Variants in RPL3L observed in about 807,000 individuals in gnomAD.
RPL3L encodes ribosomal protein uL3-like.
In RPL3L, 44 loss-of-function variants were observed where a neutral mutation model predicts 44.5. The ratio of observed to expected loss-of-function variants is 0.99; its 90% confidence interval spans 0.78 to 1.27. The LOEUF (loss-of-function observed/expected upper bound fraction) is 1.27. Among genes scored for constraint, RPL3L ranks in the 50% most tolerant of loss-of-function variants. The probability of loss-of-function intolerance (pLI) is 0.00; values close to 1 mark genes in which losing one functional copy is unlikely to be tolerated. For missense variants in RPL3L, 631 were observed against 569.1 expected (o/e 1.11, Z -1.11); for synonymous variants, 292 against 230.7 (o/e 1.27, Z -2.41).
intron 9 of RPL3L, 86 bp from the exon 10 acceptor site, chr16:1,944,979 G>A (rs11640479): frequency 1.9e-6 from 3 of 1,569,636 alleles, no homozygotes; most frequent in Admixed American, 1.7e-5. Context: ...ATCACTCAGG[G>A]CCGGCCCTAC....
chr16:1,949,644 C>T (rs1056258244), intron 4 of RPL3L, among the ~76,000 whole-genome samples: 3 of 143,686 alleles, frequency 2.1e-5, no homozygotes, highest in South Asian at 2.3e-4. Flanking sequence ...GAGAGGCCAG[C>T]GGGGAACACA....
chr16:1,947,191 T>C lies in RPL3L; in HGVS notation c.688+3A>G, dbSNP rs2083129124. ...TGGAGCTGCCATCCTCACTGAGCCC[T>C]ACCTTTGACGCCTCGACCCTTGGTG... On this transcript the variant is annotated splice_donor_region_variant and intron_variant, in intron 5 of 9. Transcript: ENST00000268661. 7 of 1,612,830 alleles carry C rather than the reference T, an allele frequency of 4.3e-6. No homozygotes were observed. Among genetic ancestry groups the C allele is most frequent in the Non-Finnish European group, 5.9e-6 (7 of 1,179,356 alleles).
At chr16:1,948,801 TG>T (rs1199122833) in intron 4 of RPL3L, among the ~76,000 whole-genome samples, 1 of 151,714 alleles carries the variant, frequency 6.6e-6, no homozygotes, top group African/African-American at 2.4e-5. Context: ...CTGCAAGCTC[TG>T]CCTCCTGGGT....
At chr16:1,951,442 C>T (rs2083171311) in intron 3 of RPL3L, among the ~76,000 whole-genome samples, 1 of 152,014 alleles carries the variant, frequency 6.6e-6, no homozygotes, top group Admixed American at 6.6e-5. Flanking sequence ...AGTGCAGTGG[C>T]ACAAACACAG....
chr16:1,947,322 C>G lies in RPL3L; in HGVS notation c.560G>C (p.Gly187Ala). 1 of 1,611,334 alleles carries G rather than the reference C, an allele frequency of 6.2e-7. No individual in the cohort carries two copies. ...KAHIMEIQLN[G>A]GTVAEKVAWA... is the part of the protein sequence containing the mutation. ...GGCCACCTTCTCGGCCACCGTGCCA[C>G]CGTTCAGCTGGATCTCCATGATGTG... is the stretch of plus-strand genomic sequence containing the variant. The change falls in exon 5 of 10, where the codon GGT (glycine) becomes GCT (alanine). Residue 187 changes from glycine (G) to alanine (A), a missense_variant. Gly to Ala is a moderately conservative substitution (Grantham distance 60, BLOSUM62 0). Transcript: ENST00000268661.
At chr16:1,948,936 A>C (rs2083146533) in intron 4 of RPL3L, among the ~76,000 whole-genome samples, 2 of 151,076 alleles carry the variant, frequency 1.3e-5, no homozygotes, top group Non-Finnish European at 2.9e-5. Flanking sequence ...GGATGGTCTC[A>C]ATCTCCTGAC....
Position 1,946,720 on chromosome 16 carries a change from G to C in RPL3L, c.856C>G (p.Arg286Gly). ...HRTELNKKIF[R>G]IGRGPHMEDG... is the part of the protein sequence containing the mutation. ...TCCATGTGCGGGCCCCTGCCGATGC[G>C]GAAGATCTGCCAGAAGGGGGCACAT... Residue 286 changes from arginine (R) to glycine (G), a missense_variant, in exon 7 of 10, where the codon CGC (arginine) becomes GGC (glycine). By Grantham distance (125) the Arg-to-Gly change is moderately radical. Transcript: ENST00000268661. 2 of 1,612,430 alleles carry C rather than the reference G, an allele frequency of 1.2e-6. No homozygotes were observed. The highest frequency in any genetic ancestry group is 1.7e-6 in the Non-Finnish European group (2 of 1,179,862).
At chr16:1,951,263 A>G (rs2083170448) in intron 3 of RPL3L, among the ~76,000 whole-genome samples, 1 of 152,232 alleles carries the variant, frequency 6.6e-6, no homozygotes, top group Admixed American at 6.5e-5. Flanking sequence ...GCGGCTGGCC[A>G]GCCCTGCAGT....
chr16:1,948,702 T>G (rs964462705), intron 4 of RPL3L, among the ~76,000 whole-genome samples: 26 of 83,578 alleles, frequency 3.1e-4, no homozygotes, highest in African/African-American at 1.3e-3. Context: ...GCCCAGTTGT[T>G]TTTTTTTTGT....
Position 1,944,631 on chromosome 16 carries a change from G to C in RPL3L, c.*206C>G. On this transcript the variant is annotated 3_prime_UTR_variant, in exon 10 of 10. Transcript: ENST00000268661. ...ATAAAACATAAAACTCCGGTCTCCC[G>C]CACAGCCAGCTCTGTGTGAATTACT... The C allele has an allele frequency of 1.9e-6, 1 of 524,536 alleles. No homozygotes were observed. Among genetic ancestry groups the C allele is most frequent in the Non-Finnish European group, 3.5e-6 (1 of 288,782 alleles). The allele number at this position is 524,536 out of a possible 1,614,324, so 32.5% of individuals were successfully genotyped here.
At chr16:1,945,984 G>T in intron 7 of RPL3L, 54 bp from the exon 8 acceptor site, 1 of 1,489,798 alleles carries the variant, frequency 6.7e-7, no homozygotes, top group Non-Finnish European at 9.1e-7. Context: ...TGAGTTAGTG[G>T]GTGGCTGGGG....
Position 1,947,230 on chromosome 16 carries a change from C to A in RPL3L, c.652G>T (p.Asp218Tyr). ...HSVFSQSEVI[D>Y]VIAVTKGRGV... ...CGACCCTTGGTGACAGCAATGACAT[C>A]AATGACCTCACTCTGGCTGAACACG... The change falls in exon 5 of 10, where the codon GAT (aspartate) becomes TAT (tyrosine). Residue 218 changes from aspartate to tyrosine, a missense_variant. By Grantham distance (160) the Asp-to-Tyr change is radical (BLOSUM62 -3). Coordinates refer to ENST00000268661, the MANE Select transcript of RPL3L (RefSeq NM_005061.3). 6.2e-7 allele frequency: 1 copy of A among 1,613,444 alleles called. No homozygotes were observed. The highest frequency in any genetic ancestry group is 8.5e-7 in the Non-Finnish European group (1 of 1,179,596).
chr16:1,954,052 G>A lies in RPL3L; in HGVS notation c.100C>T (p.Arg34Trp), dbSNP rs747652236. ...RHRGKVKTWPRDDPSQPVHLT... is the reference protein window; with the variant it reads ...RHRGKVKTWPWDDPSQPVHLT... Reference sequence around the variant, plus strand: ...TGCACGGGCTGGCTGGGGTCATCCCGCGGCCACGTCTTCACCTTGCCCCGG... The same window carrying A: ...TGCACGGGCTGGCTGGGGTCATCCCACGGCCACGTCTTCACCTTGCCCCGG... Residue 34 changes from arginine to tryptophan, a missense_variant, in exon 2 of 10, where the codon CGG becomes TGG. Arg to Trp is a moderately radical substitution (Grantham distance 101). Coordinates refer to ENST00000268661, the MANE Select transcript of RPL3L (RefSeq NM_005061.3). The A allele has an allele frequency of 1.9e-5, 31 of 1,606,974 alleles. No homozygotes were observed. The highest frequency in any genetic ancestry group is 6.7e-5 in the African/African-American group (5 of 74,794).
At position 1,944,625 on chromosome 16, in the gene RPL3L, T is replaced by G; in HGVS notation, c.*212A>C. On this transcript the variant is annotated 3_prime_UTR_variant, in exon 10 of 10. Transcript: ENST00000268661. ...GTAATAATAAAACATAAAACTCCGGTCTCCCGCACAGCCAGCTCTGTGTGA... is the reference window on the plus strand; with the variant it reads ...GTAATAATAAAACATAAAACTCCGGGCTCCCGCACAGCCAGCTCTGTGTGA... 2 of 535,308 alleles carry G rather than the reference T, an allele frequency of 3.7e-6. No homozygotes were observed. The highest frequency in any genetic ancestry group is 3.1e-5 in the Admixed American group (1 of 32,702). 33.2% of individuals were successfully genotyped at this position (535,308 alleles called of 1,614,324 possible). A position where few individuals can be genotyped will look rare whatever the true frequency, so the allele number is the denominator to read the frequency against.
rs71394716 is a variant in RPL3L, at chr16:1,951,726, C to CATTATTATT, written c.366-756_366-748dup. Among the ~76,000 whole-genome samples the CATTATTATT allele has an allele frequency of 3.8e-3, 526 of 138,026 alleles. 2 individuals are homozygous for CATTATTATT. Among genetic ancestry groups the CATTATTATT allele is most frequent in the Admixed American group, 5.7e-3 (77 of 13,420 alleles). 90.6% of individuals were successfully genotyped at this position (138,026 alleles called of 152,430 possible). A position where few individuals can be genotyped will look rare whatever the true frequency, so the allele number is the denominator to read the frequency against. On this transcript the variant is annotated intron_variant, in intron 3 of 9. Coordinates refer to ENST00000268661, the MANE Select transcript of RPL3L (RefSeq NM_005061.3). ...CCTCAGCAGAGTTCTGGGAGGTGGA[C>CATTATTATT]ATTATTATTATTATTATTATTATTA... is the stretch of plus-strand genomic sequence containing the variant.
At position 1,954,163 on chromosome 16, in the gene RPL3L, G is replaced by A. The variant is rs773101564; in HGVS notation, c.4-15C>T. 3.2e-6 allele frequency: 5 copies of A among 1,557,418 alleles called. No homozygotes were observed. The highest frequency in any genetic ancestry group is 4.3e-6 in the Non-Finnish European group (5 of 1,149,850). ...TTCCGGTGGGACTGGGGGGCAGGAAGGAAGGAGGTCAGACCTGGGGTGTCC... is the reference window on the plus strand; with the variant it reads ...TTCCGGTGGGACTGGGGGGCAGGAAAGAAGGAGGTCAGACCTGGGGTGTCC... On this transcript the variant is annotated splice_polypyrimidine_tract_variant and intron_variant, in intron 1 of 9. Coordinates refer to ENST00000268661, the MANE Select transcript of RPL3L (RefSeq NM_005061.3).
intron 7 of RPL3L, 89 bp from the exon 8 acceptor site, chr16:1,946,019 G>GTT: frequency 1.8e-6 from 2 of 1,098,424 alleles, no homozygotes; most frequent in Non-Finnish European, 1.3e-6. Flanking sequence ...CCCAGAGGGG[G>GTT]CAGTGATAGG....
intron 5 of RPL3L, 26 bp downstream of exon 5, chr16:1,947,168 G>T: frequency 6.2e-7 from 1 of 1,612,998 alleles, no homozygotes; most frequent in Non-Finnish European, 8.5e-7. Context: ...GCCTGCCCTG[G>T]AGCTGCCATC....
At chr16:1,944,947 C>T in intron 9 of RPL3L, 54 bp from the exon 10 acceptor site, 1 of 1,610,558 alleles carries the variant, frequency 6.2e-7, no homozygotes. Context: ...CAGAAACACG[C>T]CCTCCCCCAG....
Sources: gnomAD v4.1 joint callset for allele counts (sites outside exome capture counted in the v4.1 genomes callset) on GRCh38, gnomAD v4.1.1 for gene constraint, MANE v1.5 for transcripts, NCBI Gene and HGNC (gene_info 2026-07-23, HGNC 2026-07-21) for gene names.